PHF21A: variants seen among roughly 807,000 people sequenced by gnomAD.
The protein encoded by PHF21A is BHC80a.
A neutral mutation model predicts 82.5 loss-of-function variants in PHF21A; 11 were observed. The ratio of observed to expected loss-of-function variants is 0.13; its 90% CI spans 0.08 to 0.22. The LOEUF (loss-of-function observed/expected upper bound fraction) is 0.22. PHF21A is among the 10% of genes least tolerant of loss of function. PHF21A has a pLI of 1.00. For missense variants in PHF21A, 579 were observed against 837.8 expected, an observed-to-expected ratio of 0.69 and a Z score of 3.81; for synonymous variants, 297 against 302.8, an observed-to-expected ratio of 0.98 and a Z score of 0.20.
intron 6 of PHF21A, among the ~76,000 whole-genome samples, chr11:46,008,630 G>C (rs534451639): frequency 6.6e-6 from 1 of 152,266 alleles, no homozygotes; most frequent in East Asian, 1.9e-4. Context: ...TCGGTTTTGT[G>C]TATGAAAACC....
chr11:45,934,511 G>A (rs939947216), intron 18 of PHF21A: 8 of 360,794 alleles, frequency 2.2e-5, no homozygotes, highest in Admixed American at 8.6e-5. Flanking sequence ...AAAACAAACC[G>A]GCAGAGCCGC....
At chr11:46,105,566 C>A (rs1174425315) in intron 1 of PHF21A, among the ~76,000 whole-genome samples, 2 of 152,002 alleles carry the variant, frequency 1.3e-5, no homozygotes, top group African/African-American at 4.8e-5. Flanking sequence ...TGAAAATATC[C>A]CAGTGTGTAC....
chr11:45,934,319 G>A (rs1312616351), intron 18 of PHF21A, 94 bp from the exon 19 acceptor site: 3 of 1,272,944 alleles, frequency 2.4e-6, no homozygotes, highest in African/African-American at 3.0e-5. Context: ...TCTGCCCAGG[G>A]AGAAGAAGCT....
chr11:46,088,394 C>T (rs764094089), intron 3 of PHF21A, among the ~76,000 whole-genome samples: 1 of 144,086 alleles, frequency 6.9e-6, no homozygotes, highest in Non-Finnish European at 1.5e-5. Flanking sequence ...ATCTAATGGC[C>T]TCTAACTTTC....
At chr11:46,015,198 TTTG>T (rs1389777665) in intron 6 of PHF21A, among the ~76,000 whole-genome samples, 2 of 152,064 alleles carry the variant, frequency 1.3e-5, no homozygotes, top group Admixed American at 6.6e-5. Flanking sequence ...GGTTATTTAT[TTTG>T]TTGTTGTTGT....
chr11:45,970,837 T>G (rs774957217), intron 8 of PHF21A: 6 of 418,204 alleles, frequency 1.4e-5, no homozygotes, highest in Non-Finnish European at 2.2e-5. Flanking sequence ...TGAAACAGTG[T>G]GTATGCCTCT....
At chr11:46,106,429 T>C (rs985897817) in intron 1 of PHF21A, among the ~76,000 whole-genome samples, 3 of 152,178 alleles carry the variant, frequency 2.0e-5, no homozygotes, top group African/African-American at 7.2e-5. Context: ...CTTTTTAGTA[T>C]CAAGTCCTGA....
intron 7 of PHF21A, among the ~76,000 whole-genome samples, chr11:45,973,570 G>A (rs1013132413): frequency 2.0e-5 from 3 of 152,162 alleles, no homozygotes; most frequent in Non-Finnish European, 4.4e-5. Flanking sequence ...TTATTTTGGG[G>A]TGCAGTGGAT....
chr11:45,951,986 T>C (rs936792011), intron 11 of PHF21A, among the ~76,000 whole-genome samples: 2 of 152,084 alleles, frequency 1.3e-5, no homozygotes, highest in African/African-American at 4.8e-5. Flanking sequence ...TTTGTATTTT[T>C]AGTAGAGACA....
At chr11:45,952,096 C>T (rs977427450) in intron 11 of PHF21A, among the ~76,000 whole-genome samples, 10 of 152,346 alleles carry the variant, frequency 6.6e-5, no homozygotes, top group East Asian at 5.8e-4. Flanking sequence ...TGAGCCACCG[C>T]GCCCAGCCTA....
intron 18 of PHF21A, chr11:45,934,885 G>C: frequency 2.5e-5 from 9 of 360,990 alleles, no homozygotes; most frequent in South Asian, 1.9e-4. Flanking sequence ...TGTTAAATCT[G>C]CATGCCATGG....
chr11:46,014,995 T>A lies in PHF21A; in HGVS notation c.154-35029A>T, dbSNP rs868262972. Among the ~76,000 whole-genome samples, 240 of 132,588 alleles carry A rather than the reference T, an allele frequency of 1.8e-3. 78 individuals carry two copies. Among genetic ancestry groups the A allele is most frequent in the South Asian group, 4.7e-3 (19 of 4,030 alleles). 87.0% of individuals were successfully genotyped at this position (132,588 alleles called of 152,430 possible). On this transcript the variant is annotated intron_variant, in intron 6 of 18. Transcript: ENST00000676320. The stretch of plus-strand genomic sequence containing the variant: ...ACTCCGTCTCAAAAAAAAAAAAAAA[T>A]AAAAATAAAAAAATAAAAAAAAATA...
At chr11:46,097,466 T>C (rs947469681) in intron 1 of PHF21A, among the ~76,000 whole-genome samples, 2 of 152,186 alleles carry the variant, frequency 1.3e-5, no homozygotes, top group African/African-American at 4.8e-5. Flanking sequence ...CCAAATATCT[T>C]CATGGCTCAC....
chr11:45,996,653 G>A (rs967704254), intron 6 of PHF21A, among the ~76,000 whole-genome samples: 1 of 152,190 alleles, frequency 6.6e-6, no homozygotes, highest in Non-Finnish European at 1.5e-5. Flanking sequence ...GTACATGCTT[G>A]AGCAGATAAA....
At chr11:46,042,321 T>A (rs2096163483) in intron 6 of PHF21A, among the ~76,000 whole-genome samples, 1 of 152,098 alleles carries the variant, frequency 6.6e-6, no homozygotes, top group Admixed American at 6.5e-5. Context: ...CATTTTAAAC[T>A]GGGAGCTAGA....
chr11:46,102,362 G>C (rs769271830), intron 1 of PHF21A, among the ~76,000 whole-genome samples: 3 of 152,162 alleles, frequency 2.0e-5, no homozygotes, highest in Non-Finnish European at 4.4e-5. Context: ...AAAACCACTA[G>C]GAGAAATCTA....
At chr11:45,978,340 G>C (rs1173254179) in intron 7 of PHF21A, among the ~76,000 whole-genome samples, 1 of 110,346 alleles carries the variant, frequency 9.1e-6, no homozygotes, top group African/African-American at 2.5e-5. Flanking sequence ...CAAAAAAACA[G>C]AGATGGTAAT....
At chr11:45,983,997 A>G (rs879723761) in intron 6 of PHF21A, among the ~76,000 whole-genome samples, 1 of 152,216 alleles carries the variant, frequency 6.6e-6, no homozygotes, top group Non-Finnish European at 1.5e-5. Flanking sequence ...ATACTGGCAT[A>G]CATGATTTGA....
At chr11:45,990,250 CTTTTTT>C (rs201187984) in intron 6 of PHF21A, among the ~76,000 whole-genome samples, 2 of 56,276 alleles carry the variant, frequency 3.6e-5, no homozygotes, top group East Asian at 2.6e-4. Context: ...TTTTCATCTT[CTTTTTT>C]TTTTTTTTTT....
Sources: allele counts gnomAD v4.1 joint callset (sites outside exome capture counted in the v4.1 genomes callset), GRCh38; gene constraint gnomAD v4.1.1; transcripts MANE v1.5; gene names NCBI Gene and HGNC (gene_info 2026-07-23, HGNC 2026-07-21).